MTMR12: variants seen among roughly 807,000 people sequenced by gnomAD.
The protein encoded by MTMR12 is myotubularin related protein 12, also known as myotubularin-related protein 12.
A neutral mutation model predicts 96.7 loss-of-function variants in MTMR12; 33 were observed. That is an observed-to-expected ratio of 0.34 (90% CI 0.26 to 0.46). The LOEUF is 0.46. Among genes scored for constraint, MTMR12 ranks in the 20% least tolerant of loss-of-function variants. The pLI is 1.00. For synonymous variants in MTMR12, 298 were observed against 327.2 expected (o/e 0.91, Z 0.96); for missense variants, 721 against 896.1 (o/e 0.80, Z 2.49).
intron 5 of MTMR12, 87 bp from the exon 6 acceptor site, chr5:32,268,881 G>C: frequency 2.8e-6 from 3 of 1,087,590 alleles, no homozygotes; most frequent in Non-Finnish European, 4.2e-6. Context: ...TAAGTTCTTA[G>C]TCATGCCAAA....
At chr5:32,309,805 A>G (rs945178951) in intron 1 of MTMR12, 2 of 152,210 alleles carry the variant, frequency 1.3e-5, no homozygotes, top group East Asian at 1.9e-4. Context: ...AAAGTATGAG[A>G]TATCATCTCA....
intron 8 of MTMR12, among the ~76,000 whole-genome samples, chr5:32,249,306 T>C (rs1240697582): frequency 2.0e-5 from 3 of 152,142 alleles, no homozygotes; most frequent in Admixed American, 6.5e-5. Context: ...AACTGAGGCT[T>C]GGAGAGATGG....
chr5:32,231,381 CAAA>C (rs548654471), intron 15 of MTMR12, among the ~76,000 whole-genome samples: 14 of 47,206 alleles, frequency 3.0e-4, no homozygotes, highest in Non-Finnish European at 4.1e-4. Context: ...CTCTGGCTCG[CAAA>C]AAAAAAAAAA....
intron 8 of MTMR12, among the ~76,000 whole-genome samples, chr5:32,254,203 A>C (rs1749055544): frequency 6.6e-6 from 1 of 152,232 alleles, no homozygotes; most frequent in African/African-American, 2.4e-5. Context: ...AGTGTAGTAT[A>C]CACTACGCTG....
intron 1 of MTMR12, among the ~76,000 whole-genome samples, chr5:32,307,521 T>C (rs1416763154): frequency 6.6e-6 from 1 of 152,188 alleles, no homozygotes; most frequent in Non-Finnish European, 1.5e-5. Context: ...TAACTAGCTT[T>C]ACCAACATGT....
intron 1 of MTMR12, among the ~76,000 whole-genome samples, chr5:32,284,677 C>A (rs1419845983): frequency 2.0e-5 from 3 of 152,128 alleles, no homozygotes; most frequent in Non-Finnish European, 2.9e-5. Flanking sequence ...TACCAACTAC[C>A]TAGTTAGTAG....
chr5:32,240,658 C>T (rs1354207695), intron 12 of MTMR12, among the ~76,000 whole-genome samples: 1 of 152,092 alleles, frequency 6.6e-6, no homozygotes, highest in Non-Finnish European at 1.5e-5. Context: ...TGGAGTGCAG[C>T]GGCACAATCT....
chr5:32,291,327 C>T (rs1318823590), intron 1 of MTMR12, among the ~76,000 whole-genome samples: 1 of 152,190 alleles, frequency 6.6e-6, no homozygotes, highest in Non-Finnish European at 1.5e-5. Flanking sequence ...TTGAGCAGTG[C>T]ACCTGGTTGT....
At chr5:32,264,929 G>T (rs915257893) in intron 6 of MTMR12, among the ~76,000 whole-genome samples, 11 of 150,368 alleles carry the variant, frequency 7.3e-5, no homozygotes, top group Admixed American at 6.0e-4. Flanking sequence ...AACTATAAAA[G>T]AAATTTCCAT....
At chr5:32,304,314 C>T (rs1232062869) in intron 1 of MTMR12, among the ~76,000 whole-genome samples, 6 of 150,662 alleles carry the variant, frequency 4.0e-5, no homozygotes, top group South Asian at 2.1e-4. Flanking sequence ...AGTGAGACTC[C>T]GTCTCCAAAA....
chr5:32,310,355 G>A (rs1751528676), intron 1 of MTMR12, among the ~76,000 whole-genome samples: 1 of 152,148 alleles, frequency 6.6e-6, no homozygotes, highest in African/African-American at 2.4e-5. Context: ...GCACTCCCAT[G>A]TTTATTACAA....
intron 8 of MTMR12, among the ~76,000 whole-genome samples, chr5:32,252,088 A>G (rs1359758011): frequency 3.9e-5 from 6 of 152,228 alleles, no homozygotes; most frequent in Admixed American, 1.3e-4. Flanking sequence ...AATAATCCAT[A>G]ACAATATTCA....
intron 1 of MTMR12, among the ~76,000 whole-genome samples, chr5:32,295,756 T>C (rs1030861202): frequency 6.6e-6 from 1 of 152,230 alleles, no homozygotes; most frequent in African/African-American, 2.4e-5. Context: ...AGGGTTTAAA[T>C]AATAAACCCA....
intron 7 of MTMR12, among the ~76,000 whole-genome samples, chr5:32,262,028 C>A (rs542847753): frequency 1.3e-5 from 2 of 152,072 alleles, no homozygotes; most frequent in African/African-American, 4.8e-5. Context: ...ACCGAGATCA[C>A]GCCACTGCAC....
rs146051198 is a variant in MTMR12 at position 32,262,866 on chromosome 5, T to A, written c.713+247A>T. The stretch of plus-strand genomic sequence containing the variant: ...ATGATATGATTCCATTTATATGAAA[T>A]GTTCACAACAGGCAAGTCTATAGTG... On this transcript the variant is annotated intron_variant, in intron 7 of 15. Coordinates refer to ENST00000382142, the MANE Select transcript of MTMR12 (RefSeq NM_001040446.3). Among the ~76,000 whole-genome samples the A allele has an allele frequency of 2.6e-5, 4 of 152,280 alleles. No individual in the cohort carries two copies. In the East Asian group the frequency reaches 7.7e-4, roughly 29 times the overall value.
intron 7 of MTMR12, among the ~76,000 whole-genome samples, chr5:32,256,119 G>C (rs925051993): frequency 6.6e-6 from 1 of 152,146 alleles, no homozygotes; most frequent in Non-Finnish European, 1.5e-5. Context: ...TTCTCATATA[G>C]TAGCCATATA....
In MTMR12 at chr5:32,239,067, C is replaced by T; in HGVS notation, c.1278G>A (p.Glu426=). 1 of 1,610,924 alleles carries T rather than the reference C, an allele frequency of 6.2e-7. No individual in the cohort carries two copies. The highest frequency in any genetic ancestry group is 8.5e-7 in the Non-Finnish European group (1 of 1,178,568). ...AGAAACAGTGGCCACCCATGACCCA[C>T]TCCTTTTGGATGAGGCTCTGGAAAC... is the stretch of plus-strand genomic sequence containing the variant. ...RIGFQSLIQK[E]WVMGGHCFLD... is the part of the protein sequence containing the mutation. The change falls in exon 13 of 16, where the codon GAG becomes GAA. Residue 426 remains glutamate (E), a synonymous_variant. Transcript: ENST00000382142.
At chr5:32,271,123 C>CT (rs1179531117) in intron 4 of MTMR12, among the ~76,000 whole-genome samples, 176 bp from the exon 5 acceptor site, 1 of 152,246 alleles carries the variant, frequency 6.6e-6, no homozygotes, top group African/African-American at 2.4e-5. Context: ...AGCAGGGGCC[C>CT]TGGCTCTCTG....
chr5:32,282,892 T>C (rs1184523071), intron 1 of MTMR12, among the ~76,000 whole-genome samples: 5 of 152,220 alleles, frequency 3.3e-5, no homozygotes, highest in African/African-American at 9.7e-5. Flanking sequence ...CTGACAAATA[T>C]GGAGCTAATA....
Sources: allele counts gnomAD v4.1 joint callset (sites outside exome capture counted in the v4.1 genomes callset), GRCh38; gene constraint gnomAD v4.1.1; transcripts MANE v1.5; gene names NCBI Gene and HGNC (gene_info 2026-07-23, HGNC 2026-07-21).